PPFIBP2: variants seen among roughly 807,000 people sequenced by gnomAD.
PPFIBP2 encodes PPFIB scaffold protein 2.
In PPFIBP2, 118 loss-of-function variants were observed where a neutral mutation model predicts 118.3. The ratio of observed to expected loss-of-function variants is 1.00; its 90% CI spans 0.86 to 1.16. The LOEUF is 1.16. Among genes scored for constraint, PPFIBP2 ranks in the 50% most tolerant of loss-of-function variants. The pLI, the probability that PPFIBP2 is intolerant of heterozygous loss-of-function variation, is 0.00. For missense variants in PPFIBP2, 1,195 were observed against 1,073.1 expected (o/e 1.11, Z -1.59); for synonymous variants, 414 against 397.4 (o/e 1.04, Z -0.50).
chr11:7,627,610 C>T (rs553737531), intron 8 of PPFIBP2, among the ~76,000 whole-genome samples: 2 of 152,298 alleles, frequency 1.3e-5, no homozygotes, highest in South Asian at 4.1e-4. Context: ...AACAGAGTCC[C>T]TCTTGGGTCC....
At chr11:7,575,156 C>A (rs3892569) in intron 3 of PPFIBP2, among the ~76,000 whole-genome samples, 7,484 of 152,208 alleles carry the variant, frequency 0.049, 235 homozygotes, top group Non-Finnish European at 0.08. Context: ...TCTTACTTTA[C>A]CAGTCTTATC....
intron 9 of PPFIBP2, among the ~76,000 whole-genome samples, chr11:7,628,770 T>C (rs1850362081): frequency 6.6e-6 from 1 of 152,210 alleles, no homozygotes; most frequent in African/African-American, 2.4e-5. Context: ...ATCCTTCGCA[T>C]CTAATTTCGG....
At chr11:7,656,641 A>C, downstream of PPFIBP2, 6 of 977,130 alleles carry the variant, frequency 6.1e-6, no homozygotes, top group South Asian at 8.0e-5. Flanking sequence ...GCCCTCACCC[A>C]GTGCCCTCTA....
chr11:7,637,500 C>T (rs1851602603), intron 14 of PPFIBP2, among the ~76,000 whole-genome samples: 1 of 152,238 alleles, frequency 6.6e-6, no homozygotes, highest in Admixed American at 6.5e-5. Flanking sequence ...GGAAGAGAAA[C>T]AGCTCTGTCT....
intron 3 of PPFIBP2, among the ~76,000 whole-genome samples, chr11:7,571,247 G>T (rs72849627): frequency 0.01 from 1,564 of 152,186 alleles, 20 homozygotes; most frequent in South Asian, 0.022. Context: ...CCCAGGCTGG[G>T]GAGCACAGCC....
At chr11:7,656,678 C>G, downstream of PPFIBP2, 1 of 1,274,720 alleles carries the variant, frequency 7.8e-7, no homozygotes, top group Non-Finnish European at 1.0e-6. Context: ...CGCAGGGCAG[C>G]CTGGACCAAA....
chr11:7,608,501 G>A (rs1002503208), intron 5 of PPFIBP2, among the ~76,000 whole-genome samples: 3 of 152,310 alleles, frequency 2.0e-5, no homozygotes, highest in Non-Finnish European at 2.9e-5. Flanking sequence ...TCCGCTGGGC[G>A]TGGTGGCATG....
chr11:7,655,077 C>G (rs1051023695), downstream of PPFIBP2, among the ~76,000 whole-genome samples: 2 of 152,152 alleles, frequency 1.3e-5, no homozygotes, highest in Non-Finnish European at 2.9e-5. Context: ...ATCCTGAAGG[C>G]CTTCATTCCT....
At chr11:7,605,794 C>T (rs139873808) in intron 5 of PPFIBP2, 3 of 1,386,566 alleles carry the variant, frequency 2.2e-6, no homozygotes, top group Non-Finnish European at 2.8e-6. Context: ...AAGATTGTGG[C>T]CAGAGGAGAG....
chr11:7,650,564 T>C (rs953940573), intron 21 of PPFIBP2, among the ~76,000 whole-genome samples: 6 of 152,206 alleles, frequency 3.9e-5, no homozygotes, highest in African/African-American at 1.4e-4. Context: ...AATGTCCTCA[T>C]TTATTTGTCT....
At chr11:7,535,944 G>A (rs1158733645) in intron 1 of PPFIBP2, among the ~76,000 whole-genome samples, 4 of 152,166 alleles carry the variant, frequency 2.6e-5, no homozygotes, top group Non-Finnish European at 5.9e-5. Context: ...GGGACCCGGA[G>A]AGCGCTTCTC....
chr11:7,536,836 A>G (rs1851273073), intron 1 of PPFIBP2, among the ~76,000 whole-genome samples: 1 of 152,120 alleles, frequency 6.6e-6, no homozygotes, highest in African/African-American at 2.4e-5. Context: ...GAGAGAGGTG[A>G]GGACTCTACA....
chr11:7,646,805 G>A lies in PPFIBP2; in HGVS notation c.1647-1582G>A, dbSNP rs557158489. 1.8e-4 allele frequency among the ~76,000 whole-genome samples: 28 copies of A among 152,058 alleles called. No homozygotes were observed. In the South Asian group the frequency reaches 2.1e-3, roughly 11 times the overall value. ...ATAACAAATACCCTGTCTCAAAAAAGAATCAAACTATAGAGGTACATCAAG... is the reference window on the plus strand; with the variant it reads ...ATAACAAATACCCTGTCTCAAAAAAAAATCAAACTATAGAGGTACATCAAG... On this transcript the variant is annotated intron_variant, in intron 17 of 23. Transcript: ENST00000299492.
rs151026896 is a variant in PPFIBP2, at chr11:7,651,732, G to A, written c.2324G>A (p.Arg775His). 4.6e-5 allele frequency: 75 copies of A among 1,613,880 alleles called. No homozygotes were observed. Among genetic ancestry groups the A allele is most frequent in the African/African-American group, 8.0e-5 (6 of 74,920 alleles). ...NIPPQKTLLR[R>H]HLTTKFNALI... ...CCCCCACAAAAGACGCTCCTCAGGC[G>A]CCACCTGACCACCAAGTTCAATGCC... The change falls in exon 23 of 24, where the codon CGC (arginine) becomes CAC (histidine). Residue 775 changes from arginine to histidine, a missense_variant. By Grantham distance (29) the Arg-to-His change is conservative. Transcript: ENST00000299492.
At chr11:7,591,053 A>G (rs913282677) in intron 3 of PPFIBP2, among the ~76,000 whole-genome samples, 10 of 152,292 alleles carry the variant, frequency 6.6e-5, no homozygotes, top group Middle Eastern at 3.4e-3. Context: ...AGCATGTGCT[A>G]TAGAATCTAG....
chr11:7,546,608 C>T (rs534244380), intron 1 of PPFIBP2, among the ~76,000 whole-genome samples: 2 of 152,344 alleles, frequency 1.3e-5, no homozygotes, highest in African/African-American at 4.8e-5. Flanking sequence ...CCAGGCTCCT[C>T]TCATGCATTG....
chr11:7,566,745 G>A (rs895022295), intron 3 of PPFIBP2, among the ~76,000 whole-genome samples: 2 of 152,094 alleles, frequency 1.3e-5, no homozygotes, highest in Non-Finnish European at 2.9e-5. Context: ...ACAAATTGTG[G>A]GGTACATGTG....
chr11:7,626,422 G>A (rs1057243768), intron 8 of PPFIBP2, among the ~76,000 whole-genome samples: 5 of 152,294 alleles, frequency 3.3e-5, no homozygotes, highest in African/African-American at 1.2e-4. Context: ...GGTGCTCCCA[G>A]TCCTATTATT....
chr11:7,620,761 G>GT (rs1849251479), intron 6 of PPFIBP2, among the ~76,000 whole-genome samples, 174 bp from the exon 7 acceptor site: 1 of 152,154 alleles, frequency 6.6e-6, no homozygotes, highest in Non-Finnish European at 1.5e-5. Context: ...CCTGGCCTTT[G>GT]TTTTTTAACG....
Sources: gnomAD v4.1 joint callset for allele counts (sites outside exome capture counted in the v4.1 genomes callset) on GRCh38, gnomAD v4.1.1 for gene constraint, MANE v1.5 for transcripts, NCBI Gene and HGNC (gene_info 2026-07-23, HGNC 2026-07-21) for gene names.